SLC24A3: variants seen among roughly 807,000 people sequenced by gnomAD.
SLC24A3 encodes the protein solute carrier family 24 member 3, also known as sodium/potassium/calcium exchanger 3.
A neutral mutation model predicts 75.8 loss-of-function variants in SLC24A3; 28 were observed. The observed-to-expected ratio is 0.37, with a 90% confidence interval of 0.27 to 0.51. SLC24A3 has a LOEUF of 0.51. Ranked by LOEUF, SLC24A3 falls within the 20% of genes least tolerant of loss-of-function variation. SLC24A3 has a pLI of 0.94. For missense variants in SLC24A3, 663 were observed against 847.8 expected (o/e 0.78, Z 2.71); for synonymous variants, 372 against 334.1 (o/e 1.11, Z -1.24).
At chr20:19,335,037 C>G (rs1419348507) in intron 2 of SLC24A3, among the ~76,000 whole-genome samples, 1 of 152,174 alleles carries the variant, frequency 6.6e-6, no homozygotes, top group African/African-American at 2.4e-5. Flanking sequence ...GACATATTCT[C>G]CCTCTGCACT....
intron 2 of SLC24A3, among the ~76,000 whole-genome samples, chr20:19,513,738 G>GA (rs11286635): frequency 0.02 from 2,846 of 141,742 alleles, 31 homozygotes; most frequent in Non-Finnish European, 0.028. Flanking sequence ...TTTTTTTTTA[G>GA]AAAAAAAAAA....
chr20:19,275,886 G>C (rs748936181), intron 1 of SLC24A3, among the ~76,000 whole-genome samples: 1 of 152,122 alleles, frequency 6.6e-6, no homozygotes, highest in Non-Finnish European at 1.5e-5. Flanking sequence ...CATGTGACAT[G>C]TGAGCCTGCT....
chr20:19,325,839 G>GA (rs1491237998), intron 2 of SLC24A3, among the ~76,000 whole-genome samples: 1,683 of 60,814 alleles, frequency 0.028, 152 homozygotes, highest in Middle Eastern at 0.054. Context: ...GAGAGAGAGA[G>GA]GGAGACATCT....
At chr20:19,644,776 G>GC in intron 6 of SLC24A3, among the ~76,000 whole-genome samples, 1 of 152,140 alleles carries the variant, frequency 6.6e-6, no homozygotes, top group Non-Finnish European at 1.5e-5. Flanking sequence ...ATTTCCTCCT[G>GC]CCCCCTTCTC....
At chr20:19,310,279 T>C (rs2122259680) in intron 2 of SLC24A3, among the ~76,000 whole-genome samples, 1 of 152,314 alleles carries the variant, frequency 6.6e-6, no homozygotes, top group Non-Finnish European at 1.5e-5. Context: ...GAGAGCTTAT[T>C]GGCCACACAG....
chr20:19,655,713 C>T (rs2032258235), intron 7 of SLC24A3, among the ~76,000 whole-genome samples: 1 of 152,154 alleles, frequency 6.6e-6, no homozygotes, highest in African/African-American at 2.4e-5. Flanking sequence ...TGAATCTTCT[C>T]CTGTCCTCAG....
intron 2 of SLC24A3, among the ~76,000 whole-genome samples, chr20:19,440,628 G>A (rs939286811): frequency 1.3e-5 from 2 of 148,530 alleles, no homozygotes; most frequent in African/African-American, 5.0e-5. Flanking sequence ...AACAGTTCCT[G>A]GAGGAGAGGC....
chr20:19,399,105 C>T (rs1326220453), intron 2 of SLC24A3, among the ~76,000 whole-genome samples: 2 of 152,058 alleles, frequency 1.3e-5, no homozygotes, highest in Non-Finnish European at 2.9e-5. Flanking sequence ...GTGTCCATTA[C>T]ATATATATAG....
chr20:19,388,028 A>G (rs1986300775), intron 2 of SLC24A3, among the ~76,000 whole-genome samples: 1 of 152,174 alleles, frequency 6.6e-6, no homozygotes, highest in African/African-American at 2.4e-5. Flanking sequence ...CAGGTATGCA[A>G]TGCATAATAA....
chr20:19,330,127 C>T (rs1266349227), intron 2 of SLC24A3, among the ~76,000 whole-genome samples: 4 of 152,210 alleles, frequency 2.6e-5, no homozygotes, highest in Non-Finnish European at 4.4e-5. Flanking sequence ...GAAACAAAAT[C>T]GTGCCTTAGG....
intron 3 of SLC24A3, among the ~76,000 whole-genome samples, chr20:19,540,489 A>G (rs958413332): frequency 2.0e-5 from 3 of 152,162 alleles, no homozygotes; most frequent in African/African-American, 7.2e-5. Flanking sequence ...GAAACGCAAA[A>G]GCTGTTCTTT....
chr20:19,713,802 G>T (rs117655466), intron 15 of SLC24A3, among the ~76,000 whole-genome samples: 1 of 152,258 alleles, frequency 6.6e-6, no homozygotes, highest in East Asian at 1.9e-4. Flanking sequence ...AACAAAGCAG[G>T]AACTGTATTA....
chr20:19,546,509 C>T (rs2030598630), intron 3 of SLC24A3, among the ~76,000 whole-genome samples: 1 of 152,192 alleles, frequency 6.6e-6, no homozygotes, highest in Admixed American at 6.5e-5. Flanking sequence ...CTCCCTGAAC[C>T]CCATCACCCT....
chr20:19,270,727 A>G (rs537045925), intron 1 of SLC24A3, among the ~76,000 whole-genome samples: 8 of 152,144 alleles, frequency 5.3e-5, no homozygotes, highest in Non-Finnish European at 1.2e-4. Flanking sequence ...TGTAAGAAGA[A>G]ACCCCATATT....
At chr20:19,258,262 C>G (rs1982875506) in intron 1 of SLC24A3, among the ~76,000 whole-genome samples, 1 of 152,228 alleles carries the variant, frequency 6.6e-6, no homozygotes, top group Non-Finnish European at 1.5e-5. Flanking sequence ...CTCTTCTTCC[C>G]CATTCCAGGC....
chr20:19,532,628 A>G (rs1343057421), intron 3 of SLC24A3, among the ~76,000 whole-genome samples: 1 of 152,248 alleles, frequency 6.6e-6, no homozygotes, highest in Non-Finnish European at 1.5e-5. Context: ...GAGTGTCTGC[A>G]GAATGGGGAG....
At position 19,346,161 on chromosome 20, in the gene SLC24A3, TATATATATG is replaced by T. The variant is rs1276135271; in HGVS notation, c.271+65075_271+65083del. ...ATGGTGTGTGTATATATATATGGTG[TATATATATG>T]GTATATATATATGGTGTATATATAT... On this transcript the variant is annotated intron_variant, in intron 2 of 16. Transcript: ENST00000328041. Among the ~76,000 whole-genome samples the T allele has an allele frequency of 3.0e-3, 99 of 33,288 alleles. 5 individuals carry two copies. The highest frequency in any genetic ancestry group is 8.7e-3 in the African/African-American group (22 of 2,538). 21.8% of individuals were successfully genotyped at this position (33,288 alleles called of 152,430 possible).
At chr20:19,662,961 G>A (rs908493303) in intron 7 of SLC24A3, among the ~76,000 whole-genome samples, 15 of 152,122 alleles carry the variant, frequency 9.9e-5, no homozygotes, top group East Asian at 3.9e-4. Context: ...TCCAGTCTTC[G>A]GAAGAGGCGA....
intron 6 of SLC24A3, among the ~76,000 whole-genome samples, chr20:19,647,701 T>A (rs1169154372): frequency 6.6e-6 from 1 of 152,226 alleles, no homozygotes; most frequent in Non-Finnish European, 1.5e-5. Context: ...TGTGGATGAT[T>A]GAGAAGGCAT....
Sources: allele counts gnomAD v4.1 joint callset (sites outside exome capture counted in the v4.1 genomes callset), GRCh38; gene constraint gnomAD v4.1.1; transcripts MANE v1.5; gene names NCBI Gene and HGNC (gene_info 2026-07-23, HGNC 2026-07-21).